The following BNIP3L variants were observed in gnomAD, a reference collection of about 807,000 sequenced individuals.
BNIP3L encodes BCL2 interacting protein 3 like.
BNIP3L carries 10 observed loss-of-function variants against 25.5 expected under a neutral mutation model. The ratio of observed to expected loss-of-function variants is 0.39; its 90% CI spans 0.24 to 0.67. BNIP3L has a LOEUF of 0.67. Among genes scored for constraint, BNIP3L ranks in the 30% least tolerant of loss-of-function variants. BNIP3L has a pLI of 0.45. For synonymous variants in BNIP3L, 113 were observed against 101.2 expected, an observed-to-expected ratio of 1.12 and a Z score of -0.70; for missense variants, 215 against 270.9, an observed-to-expected ratio of 0.79 and a Z score of 1.45.
chr8:26,409,906 A>AG (rs1222834605), intron 5 of BNIP3L, among the ~76,000 whole-genome samples: 1 of 151,004 alleles, frequency 6.6e-6, no homozygotes, highest in Non-Finnish European at 1.5e-5. Context: ...GTTATTAGTA[A>AG]GAGCTGTCTT....
chr8:26,409,253 A>G (rs1046829777), intron 5 of BNIP3L, among the ~76,000 whole-genome samples: 1 of 152,184 alleles, frequency 6.6e-6, no homozygotes, highest in African/African-American at 2.4e-5. Flanking sequence ...GATTTAAACA[A>G]TTGAGGAATT....
intron 1 of BNIP3L, among the ~76,000 whole-genome samples, chr8:26,387,080 A>C (rs573010659): frequency 6.6e-6 from 1 of 152,090 alleles, no homozygotes; most frequent in East Asian, 1.9e-4. Context: ...ATGAGGAGAA[A>C]TACTCTTCAT....
intron 3 of BNIP3L, among the ~76,000 whole-genome samples, chr8:26,402,386 A>G (rs1806405075): frequency 6.6e-6 from 1 of 152,242 alleles, no homozygotes; most frequent in African/African-American, 2.4e-5. Context: ...CATAGCAGAA[A>G]GTGTACCACG....
At chr8:26,383,643 G>A in intron 1 of BNIP3L, 1 of 282,036 alleles carries the variant, frequency 3.5e-6, no homozygotes, top group African/African-American at 2.3e-5. Context: ...GGGGATGGAC[G>A]CGCGGGAGCG....
chr8:26,389,274 CTG>C lies in BNIP3L; in HGVS notation c.101-1967_101-1966del, dbSNP rs1006298301. Among the ~76,000 whole-genome samples the C allele has an allele frequency of 5.3e-5, 8 of 152,070 alleles. No individual in the cohort carries two copies. In the South Asian group the frequency reaches 1.0e-3, roughly 20 times the overall value. The stretch of plus-strand genomic sequence containing the variant: ...AAACAGTGAGAGTCAGAAAAAAAAA[CTG>C]TTTTTATATACATATTCTCTCCCCC... On this transcript the variant is annotated intron_variant, in intron 1 of 5. Transcript: ENST00000380629.
At chr8:26,400,276 C>T (rs899182784) in intron 3 of BNIP3L, among the ~76,000 whole-genome samples, 1 of 150,876 alleles carries the variant, frequency 6.6e-6, no homozygotes, top group Non-Finnish European at 1.5e-5. Flanking sequence ...CTACAACTAT[C>T]TGATCTTTGA....
Position 26,384,432 on chromosome 8 carries a change from A to G in BNIP3L, c.100+1202A>G, listed in dbSNP as rs535301408. ...AATTCCCAAAACCTTTAAGTGTCAT[A>G]TATTCCAGAATGTAAGATGGTTATA... On this transcript the variant is annotated intron_variant, in intron 1 of 5. Coordinates refer to ENST00000380629, the MANE Select transcript of BNIP3L (RefSeq NM_004331.3). 3.9e-5 allele frequency among the ~76,000 whole-genome samples: 6 copies of G among 152,350 alleles called. No homozygotes were observed. In the South Asian group the frequency reaches 8.3e-4, roughly 21 times the overall value.
At chr8:26,408,870 T>G (rs1806555507) in intron 5 of BNIP3L, among the ~76,000 whole-genome samples, 1 of 53,050 alleles carries the variant, frequency 1.9e-5, no homozygotes, top group Admixed American at 2.3e-4. Flanking sequence ...AGACTCCATC[T>G]CGGAAAAAAA....
Position 26,383,149 on chromosome 8 carries a change from G to C in BNIP3L, c.19G>C (p.Glu7Gln). 2 of 1,611,660 alleles carry C rather than the reference G, an allele frequency of 1.2e-6. No homozygotes were observed. Among genetic ancestry groups the C allele is most frequent in the Non-Finnish European group, 8.5e-7 (1 of 1,179,570 alleles). MSSHLV[E>Q]PPPPLHNNNN... ...TCCGACAATGTCGTCCCACCTAGTC[G>C]AGCCGCCGCCGCCCCTGCACAACAA... Residue 7 changes from glutamate to glutamine, a missense_variant, in exon 1 of 6, where the codon GAG becomes CAG. Around this residue, in one of 4 missense-constraint regions of BNIP3L, gnomAD observed 69 missense variants for 53.6 expected, o/e 1.29. Coordinates refer to ENST00000380629, the MANE Select transcript of BNIP3L (RefSeq NM_004331.3).
Position 26,410,555 on chromosome 8 carries a change from T to C in BNIP3L, c.*143T>C. 1.1e-6 allele frequency: 1 copy of C among 938,114 alleles called. No homozygotes were observed. Among genetic ancestry groups the C allele is most frequent in the Non-Finnish European group, 1.7e-6 (1 of 598,148 alleles). The allele number at this position is 938,114 out of a possible 1,614,324, so 58.1% of individuals were successfully genotyped here. On this transcript the variant is annotated 3_prime_UTR_variant, in exon 6 of 6. Transcript: ENST00000380629. ...TATCCAATTCCAGTAACTCTCAAAT[T>C]CAATATTTTATTCAAACTCTGTTGA...
chr8:26,386,574 G>A (rs1805997725), intron 1 of BNIP3L, among the ~76,000 whole-genome samples: 1 of 152,022 alleles, frequency 6.6e-6, no homozygotes, highest in South Asian at 2.1e-4. Flanking sequence ...AGCTAGGACT[G>A]CAGGTGTGCA....
intron 1 of BNIP3L, among the ~76,000 whole-genome samples, chr8:26,383,733 C>T (rs1805915532): frequency 6.6e-6 from 1 of 151,630 alleles, no homozygotes; most frequent in African/African-American, 2.4e-5. Flanking sequence ...CTGGCGGGCG[C>T]GGGAGCCCCC....
intron 2 of BNIP3L, among the ~76,000 whole-genome samples, chr8:26,394,937 TAA>T (rs1806200203): frequency 6.6e-6 from 1 of 152,240 alleles, no homozygotes; most frequent in South Asian, 2.1e-4. Context: ...AGAGTAAATA[TAA>T]GAGAATGTGA....
At chr8:26,408,158 A>G in intron 4 of BNIP3L, 55 bp downstream of exon 4, 1 of 1,611,390 alleles carries the variant, frequency 6.2e-7, no homozygotes, top group South Asian at 1.1e-5. Flanking sequence ...GCACGCTTAC[A>G]GGCAATGGGC....
At chr8:26,407,934 A>G (rs1806536296) in intron 3 of BNIP3L, 66 bp from the exon 4 acceptor site, 20 of 1,411,618 alleles carry the variant, frequency 1.4e-5, no homozygotes, top group Non-Finnish European at 1.9e-5. Context: ...TTCTGTCTAG[A>G]TTTTTCTTTG....
At chr8:26,408,500 G>A in intron 5 of BNIP3L, 124 bp downstream of exon 5, 4 of 1,189,388 alleles carry the variant, frequency 3.4e-6, no homozygotes, top group South Asian at 1.6e-5. Flanking sequence ...CAAATAAGGT[G>A]AACTTAAAAA....
chr8:26,405,888 T>C (rs1205291989), intron 3 of BNIP3L, among the ~76,000 whole-genome samples: 1 of 151,892 alleles, frequency 6.6e-6, no homozygotes, highest in Non-Finnish European at 1.5e-5. Flanking sequence ...ACGAAAAATA[T>C]AAAAATTTGC....
chr8:26,386,086 G>T (rs1805985362), intron 1 of BNIP3L, among the ~76,000 whole-genome samples: 3 of 152,194 alleles, frequency 2.0e-5, no homozygotes, highest in Admixed American at 2.0e-4. Context: ...ATTATCTTGC[G>T]TTTGGGATTT....
chr8:26,396,275 C>A (rs1291028892), intron 3 of BNIP3L, among the ~76,000 whole-genome samples: 1 of 94,026 alleles, frequency 1.1e-5, no homozygotes, highest in East Asian at 2.9e-4. Flanking sequence ...AGCTGGAGAT[C>A]TGAGAACGGG....
Sources: gnomAD v4.1 joint callset for allele counts (sites outside exome capture counted in the v4.1 genomes callset) on GRCh38, gnomAD v4.1.1 for gene constraint, gnomAD v4.1.1 regional missense constraint, MANE v1.5 for transcripts, NCBI Gene and HGNC (gene_info 2026-07-23, HGNC 2026-07-21) for gene names.